DLG2: variants seen among roughly 807,000 people sequenced by gnomAD.
DLG2 encodes disks large homolog 2.
In DLG2, 45 loss-of-function variants were observed where a neutral mutation model predicts 132.5. That is an observed-to-expected ratio of 0.34 (90% CI 0.27 to 0.44). The LOEUF is 0.44. Among genes scored for constraint, DLG2 ranks in the 20% least tolerant of loss-of-function variants. The pLI is 1.00. For missense variants in DLG2, 1,045 were observed against 1,196.9 expected, an observed-to-expected ratio of 0.87 and a Z score of 1.87; for synonymous variants, 424 against 419.6, an observed-to-expected ratio of 1.01 and a Z score of -0.13.
chr11:84,743,257 G>A (rs2064921809), intron 6 of DLG2, among the ~76,000 whole-genome samples: 1 of 151,808 alleles, frequency 6.6e-6, no homozygotes, highest in East Asian at 1.9e-4. Flanking sequence ...AAAACTCCCA[G>A]GAAAGAAAAT....
rs115854343 is a variant in DLG2 at position 84,861,140 on chromosome 11, C to G, written c.357+250521G>C. Among the ~76,000 whole-genome samples, 741 of 152,154 alleles carry G rather than the reference C, an allele frequency of 4.9e-3. 10 individuals carry two copies. The highest frequency in any genetic ancestry group is 0.017 in the African/African-American group (712 of 41,510). On this transcript the variant is annotated intron_variant, in intron 6 of 27. Transcript: ENST00000376104. The stretch of plus-strand genomic sequence containing the variant: ...TGCTATAGGAACAAAAAAGGACATA[C>G]GCTTCTGTTGCTTGAGGGTCAGGGA...
intron 4 of DLG2, among the ~76,000 whole-genome samples, chr11:85,166,020 C>T (rs1241976361): frequency 6.6e-6 from 1 of 152,148 alleles, no homozygotes; most frequent in Non-Finnish European, 1.5e-5. Context: ...CCCAGACCAG[C>T]AGCATCAGCG....
chr11:83,934,784 T>C (rs1193189808), intron 14 of DLG2, among the ~76,000 whole-genome samples: 1 of 152,166 alleles, frequency 6.6e-6, no homozygotes, highest in Non-Finnish European at 1.5e-5. Context: ...CCCTGGAGGA[T>C]CAGGACCAAA....
intron 7 of DLG2, among the ~76,000 whole-genome samples, chr11:84,368,920 T>C (rs1488214292): frequency 2.0e-5 from 3 of 152,110 alleles, no homozygotes; most frequent in East Asian, 1.9e-4. Context: ...ATTTCCAGAG[T>C]CCAGTATACT....
chr11:85,505,026 TG>T (rs1050570519), intron 3 of DLG2, among the ~76,000 whole-genome samples: 11 of 152,106 alleles, frequency 7.2e-5, no homozygotes, highest in African/African-American at 2.7e-4. Context: ...CTGTTATTGG[TG>T]TATTGGTGTA....
At chr11:83,850,145 TG>T (rs2059419440) in intron 16 of DLG2, among the ~76,000 whole-genome samples, 2 of 132,260 alleles carry the variant, frequency 1.5e-5, no homozygotes, top group Non-Finnish European at 3.1e-5. Flanking sequence ...TGTGTGTGTG[TG>T]TGTGTGTGTG....
chr11:83,931,451 T>C (rs1281535369), intron 14 of DLG2, among the ~76,000 whole-genome samples: 1 of 152,220 alleles, frequency 6.6e-6, no homozygotes, highest in African/African-American at 2.4e-5. Flanking sequence ...ATGTTGACTC[T>C]ACAGACTAAG....
intron 6 of DLG2, among the ~76,000 whole-genome samples, chr11:84,803,280 C>T (rs2075631791): frequency 6.6e-6 from 1 of 152,124 alleles, no homozygotes; most frequent in South Asian, 2.1e-4. Context: ...AATGTATATT[C>T]TCTATTAAAA....
intron 6 of DLG2, among the ~76,000 whole-genome samples, chr11:84,879,566 T>C (rs948714513): frequency 6.6e-6 from 1 of 152,088 alleles, no homozygotes; most frequent in Non-Finnish European, 1.5e-5. Context: ...GAAAAGCACA[T>C]TTTCAGTCTG....
intron 3 of DLG2, among the ~76,000 whole-genome samples, chr11:85,536,139 C>A (rs553360346): frequency 6.8e-6 from 1 of 147,324 alleles, no homozygotes; most frequent in South Asian, 2.1e-4. Context: ...TTACTTGAGC[C>A]TGGGAGGCAG....
At chr11:84,626,847 A>ACATTTTTTATTTTTTTATTTATTTTATT (rs373094154) in intron 6 of DLG2, among the ~76,000 whole-genome samples, 150 of 144,100 alleles carry the variant, frequency 1.0e-3, no homozygotes, top group African/African-American at 3.8e-3. Context: ...CATCAATTAC[A>ACATTTTTTATTTTTTTATTTATTTTATT]TATTTTATTT....
chr11:84,714,591 C>CTCTTTCTCTTTCTCTTTCTCTTTCTCTT (rs2060887107), intron 6 of DLG2, among the ~76,000 whole-genome samples: 4 of 113,670 alleles, frequency 3.5e-5, no homozygotes, highest in East Asian at 6.7e-4. Flanking sequence ...CTTTCTCTTT[C>CTCTTTCTCTTTCTCTTTCTCTTTCTCTT]TCTTTCTTTC....
intron 7 of DLG2, among the ~76,000 whole-genome samples, chr11:84,476,939 T>C (rs1257803619): frequency 2.0e-5 from 3 of 152,116 alleles, no homozygotes; most frequent in Admixed American, 6.6e-5. Flanking sequence ...AGATAATAAA[T>C]GTTTGTTTTA....
intron 8 of DLG2, among the ~76,000 whole-genome samples, chr11:84,168,092 TAA>T (rs2095714457): frequency 6.6e-6 from 1 of 152,202 alleles, no homozygotes; most frequent in Non-Finnish European, 1.5e-5. Context: ...TAAGCATGCA[TAA>T]AGTGTCAAGA....
chr11:85,612,918 C>A (rs966491382), intron 2 of DLG2, among the ~76,000 whole-genome samples: 3 of 152,168 alleles, frequency 2.0e-5, no homozygotes, highest in African/African-American at 7.2e-5. Flanking sequence ...CAAACAGACT[C>A]TTTGGCAGCA....
intron 18 of DLG2, among the ~76,000 whole-genome samples, chr11:83,783,707 A>G (rs2094928167): frequency 6.6e-6 from 1 of 152,130 alleles, no homozygotes; most frequent in Admixed American, 6.5e-5. Flanking sequence ...ACAATTTTGT[A>G]GTTTAGCAAG....
In DLG2 at chr11:85,562,840, T is replaced by C. The variant is rs542810626; in HGVS notation, c.40+35817A>G. Among the ~76,000 whole-genome samples the C allele has an allele frequency of 1.8e-3, 273 of 151,928 alleles. 8 individuals carry two copies. Among genetic ancestry groups the C allele is most frequent in the Non-Finnish European group, 3.0e-3 (206 of 67,824 alleles). ...CCTTTAGAAAATGGCAGTCTGGTAG[T>C]ACATAATTTTAAAAATTAAAATGTG... On this transcript the variant is annotated intron_variant, in intron 3 of 27. Transcript: ENST00000376104.
At chr11:84,197,837 C>A (rs2096541960) in intron 8 of DLG2, among the ~76,000 whole-genome samples, 1 of 152,034 alleles carries the variant, frequency 6.6e-6, no homozygotes, top group African/African-American at 2.4e-5. Context: ...ATAGGTCAGC[C>A]TAGAGTTTCT....
intron 11 of DLG2, among the ~76,000 whole-genome samples, chr11:84,057,665 T>C (rs2096526501): frequency 6.6e-6 from 1 of 152,176 alleles, no homozygotes; most frequent in Admixed American, 6.6e-5. Context: ...ATGTAGTAAA[T>C]AATAGTACAG....
Sources: allele counts gnomAD v4.1 joint callset (sites outside exome capture counted in the v4.1 genomes callset), GRCh38; gene constraint gnomAD v4.1.1; transcripts MANE v1.5; gene names NCBI Gene and HGNC (gene_info 2026-07-23, HGNC 2026-07-21).